ROBO2: variants seen among roughly 807,000 people sequenced by gnomAD.
The protein encoded by ROBO2 is roundabout guidance receptor 2, also known as roundabout homolog 2.
ROBO2 carries 53 observed loss-of-function variants against 160.8 expected under a neutral mutation model. The observed-to-expected ratio is 0.33, with a 90% confidence interval of 0.26 to 0.41. ROBO2 has a LOEUF of 0.41. Among genes scored for constraint, ROBO2 ranks in the 10% least tolerant of loss-of-function variants. ROBO2 has a pLI of 1.00. For missense variants in ROBO2, 1,577 were observed against 1,722.4 expected, an observed-to-expected ratio of 0.92 and a Z score of 1.49; for synonymous variants, 664 against 611.7, an observed-to-expected ratio of 1.09 and a Z score of -1.26.
At chr3:76,762,154 TTTAGACAA>T (rs2061342170) in intron 2 of ROBO2, among the ~76,000 whole-genome samples, 1 of 151,612 alleles carries the variant, frequency 6.6e-6, no homozygotes, top group Non-Finnish European at 1.5e-5. Flanking sequence ...TTTTTAAGCA[TTTAGACAA>T]TTAGAACTAA....
In ROBO2 at chr3:77,523,141, A is replaced by T. The variant is rs1274351527; in HGVS notation, c.934+239A>T. On this transcript the variant is annotated intron_variant, in intron 6 of 25. Coordinates refer to ENST00000461745, the Ensembl canonical transcript of ROBO2. The stretch of plus-strand genomic sequence containing the variant: ...AAATTGCTTATATGGTTTAACGTTA[A>T]TAGTTTATATGGCTTAAAAGTAAAT... 2.0e-5 allele frequency among the ~76,000 whole-genome samples: 3 copies of T among 151,348 alleles called. No homozygotes were observed. In the South Asian group the frequency reaches 6.2e-4, roughly 31 times the overall value.
At chr3:76,017,717 A>G (rs901367566) in intron 2 of ROBO2, among the ~76,000 whole-genome samples, 10 of 152,098 alleles carry the variant, frequency 6.6e-5, no homozygotes, top group Middle Eastern at 3.2e-3. Flanking sequence ...ATAGCAATCT[A>G]ATTAGAAATA....
At chr3:76,202,163 A>G (rs139661190) in intron 2 of ROBO2, among the ~76,000 whole-genome samples, 2,231 of 152,282 alleles carry the variant, frequency 0.015, 26 homozygotes, top group Middle Eastern at 0.048. Context: ...TTTTCCACAT[A>G]TATCGTGTTA....
At chr3:75,937,626 C>T in intron 2 of ROBO2, 1 of 1,392,086 alleles carries the variant, frequency 7.2e-7, no homozygotes, top group East Asian at 2.5e-5. Context: ...TGTTCTAATT[C>T]TTTGAGAGTT....
chr3:77,016,179 T>G (rs1340611876), intron 2 of ROBO2, among the ~76,000 whole-genome samples: 1 of 152,090 alleles, frequency 6.6e-6, no homozygotes, highest in African/African-American at 2.4e-5. Flanking sequence ...GGTTTCACCG[T>G]GTTAGCCAGG....
chr3:77,172,484 A>G (rs1436494559), intron 2 of ROBO2, among the ~76,000 whole-genome samples: 1 of 152,156 alleles, frequency 6.6e-6, no homozygotes, highest in African/African-American at 2.4e-5. Flanking sequence ...ATCATGCATT[A>G]TTCTACCATT....
intron 1 of ROBO2, among the ~76,000 whole-genome samples, chr3:77,074,569 C>A (rs1447305049): frequency 6.6e-6 from 1 of 152,176 alleles, no homozygotes; most frequent in African/African-American, 2.4e-5. Context: ...AGAACCGATA[C>A]AGCTAGTTCA....
intron 2 of ROBO2, among the ~76,000 whole-genome samples, chr3:76,129,923 C>G (rs1235264614): frequency 1.3e-5 from 2 of 151,974 alleles, no homozygotes; most frequent in African/African-American, 4.8e-5. Context: ...TTCTCTCATG[C>G]TGAATCACCT....
chr3:76,712,652 G>A (rs1485219829), intron 2 of ROBO2, among the ~76,000 whole-genome samples: 1 of 151,644 alleles, frequency 6.6e-6, no homozygotes, highest in African/African-American at 2.4e-5. Flanking sequence ...TCCAGCCTGG[G>A]CGGCACAGTG....
In ROBO2 at chr3:76,372,215, T is replaced by C. The variant is rs570238264; in HGVS notation, c.109+434613T>C. Among the ~76,000 whole-genome samples, 425 of 152,072 alleles carry C rather than the reference T, an allele frequency of 2.8e-3. 2 individuals are homozygous for C. Among genetic ancestry groups the C allele is most frequent in the Non-Finnish European group, 5.0e-3 (338 of 67,904 alleles). On this transcript the variant is annotated intron_variant, in intron 2 of 26. Transcript: ENST00000487694. ...TATACATAAGTGTTTATATTTCCTA[T>C]TTGCATTAAAGAATCTTTATGTGCA...
At chr3:77,049,846 C>A (rs1441429160) in intron 1 of ROBO2, among the ~76,000 whole-genome samples, 1 of 152,082 alleles carries the variant, frequency 6.6e-6, no homozygotes, top group Non-Finnish European at 1.5e-5. Flanking sequence ...TGAAACCAGA[C>A]TGGAATTTAA....
chr3:76,302,648 A>G (rs1398306418), intron 2 of ROBO2, among the ~76,000 whole-genome samples: 1 of 152,102 alleles, frequency 6.6e-6, no homozygotes, highest in Non-Finnish European at 1.5e-5. Context: ...CCATTGTATT[A>G]CAATTGCCTA....
intron 2 of ROBO2, among the ~76,000 whole-genome samples, chr3:76,215,108 G>C (rs1703417296): frequency 1.3e-5 from 2 of 152,172 alleles, no homozygotes; most frequent in Admixed American, 6.5e-5. Flanking sequence ...GGTCTTGACT[G>C]TTAGAAGGAA....
chr3:76,653,271 T>G (rs1445046404), intron 2 of ROBO2, among the ~76,000 whole-genome samples: 1 of 151,924 alleles, frequency 6.6e-6, no homozygotes, highest in African/African-American at 2.4e-5. Flanking sequence ...ATGCTTATAA[T>G]TAGATAATAA....
At chr3:77,243,550 C>T (rs920409277) in intron 2 of ROBO2, among the ~76,000 whole-genome samples, 2 of 152,078 alleles carry the variant, frequency 1.3e-5, no homozygotes, top group Admixed American at 6.5e-5. Context: ...ATTCTGGACA[C>T]GGTCATGGCT....
At chr3:77,544,195 C>T (rs1160450594) in intron 6 of ROBO2, among the ~76,000 whole-genome samples, 1 of 150,082 alleles carries the variant, frequency 6.7e-6, no homozygotes, top group Admixed American at 6.7e-5. Context: ...AGAGTTTTCT[C>T]TAAAATAATT....
intron 2 of ROBO2, among the ~76,000 whole-genome samples, chr3:76,839,505 G>T (rs992671404): frequency 6.6e-6 from 1 of 152,148 alleles, no homozygotes; most frequent in African/African-American, 2.4e-5. Flanking sequence ...TTGCATCCCA[G>T]AGATGAATCC....
At chr3:77,116,278 A>G (rs763493634) in intron 2 of ROBO2, among the ~76,000 whole-genome samples, 2 of 152,188 alleles carry the variant, frequency 1.3e-5, no homozygotes, top group South Asian at 4.1e-4. Context: ...CACTTACCCA[A>G]TGTCACACAT....
intron 2 of ROBO2, among the ~76,000 whole-genome samples, chr3:76,551,397 A>G (rs773777193): frequency 1.3e-5 from 2 of 152,136 alleles, no homozygotes; most frequent in Non-Finnish European, 2.9e-5. Context: ...CTGTTGCTCA[A>G]TGAAGCTCCT....
Sources: allele counts gnomAD v4.1 joint callset (sites outside exome capture counted in the v4.1 genomes callset), GRCh38; gene constraint gnomAD v4.1.1; transcripts MANE v1.5; gene names NCBI Gene and HGNC (gene_info 2026-07-23, HGNC 2026-07-21).